WDR70: variants seen among roughly 807,000 people sequenced by gnomAD.
WDR70 encodes the protein WD repeat domain 70.
Under a neutral mutation model 88.6 loss-of-function variants are expected in WDR70, and 53 were observed. The observed-to-expected ratio is 0.60, with a 90% CI of 0.48 to 0.75. WDR70 has a LOEUF of 0.75. WDR70 is among the 30% of genes least tolerant of loss of function. WDR70 has a pLI of 0.00. For missense variants in WDR70, 610 were observed against 823.2 expected (o/e 0.74, Z 3.17); for synonymous variants, 280 against 270.0 (o/e 1.04, Z -0.36).
Position 37,604,946 on chromosome 5 carries a change from A to G in WDR70, c.918-118A>G, listed in dbSNP as rs1400853. ...GCATGTCTTATTTTATTTTAAAATA[A>G]TTATTAGATTTATGTGCCAAAATGG... On this transcript the variant is annotated intron_variant, in intron 9 of 17. Transcript: ENST00000265107. The G allele has an allele frequency of 0.55, 455,293 of 825,088 alleles. 130,107 individuals carry two copies. The highest frequency in any genetic ancestry group is 0.6 in the Non-Finnish European group (341,028 of 571,726). 51.1% of individuals were successfully genotyped at this position (825,088 alleles called of 1,614,324 possible). A position where few individuals can be genotyped will look rare whatever the true frequency, so the allele number is the denominator to read the frequency against.
intron 8 of WDR70, among the ~76,000 whole-genome samples, chr5:37,503,256 CT>C (rs33999680): frequency 0.27 from 39,375 of 148,248 alleles, 5,689 homozygotes; most frequent in East Asian, 0.48. Context: ...CTTTTCTTAT[CT>C]TTTTTTTTTT....
At chr5:37,709,058 A>T (rs887815918) in intron 13 of WDR70, among the ~76,000 whole-genome samples, 2 of 152,228 alleles carry the variant, frequency 1.3e-5, no homozygotes, top group Non-Finnish European at 2.9e-5. Context: ...TCATACAAGG[A>T]GTAGCATTAC....
chr5:37,530,873 T>G (rs1272984163), intron 9 of WDR70, among the ~76,000 whole-genome samples: 3 of 151,928 alleles, frequency 2.0e-5, no homozygotes, highest in Admixed American at 6.6e-5. Flanking sequence ...TCCAGTTCCA[T>G]GAGGCGTGAC....
chr5:37,619,746 T>G (rs542940318), intron 10 of WDR70, among the ~76,000 whole-genome samples: 74 of 152,088 alleles, frequency 4.9e-4, no homozygotes, highest in Middle Eastern at 3.4e-3. Flanking sequence ...TTTGGTTTTT[T>G]TTTTGTTTTG....
At chr5:37,459,370 C>T (rs575766294) in intron 7 of WDR70, among the ~76,000 whole-genome samples, 1 of 150,340 alleles carries the variant, frequency 6.7e-6, no homozygotes, top group African/African-American at 2.4e-5. Context: ...GAGTTCAATT[C>T]CTGAAATAAT....
chr5:37,539,530 A>G (rs1464099232), intron 9 of WDR70, among the ~76,000 whole-genome samples: 1 of 152,242 alleles, frequency 6.6e-6, no homozygotes, highest in Non-Finnish European at 1.5e-5. Flanking sequence ...CTAGTCCCCA[A>G]AACTGTGAGA....
chr5:37,386,500 T>C (rs1297469565), intron 3 of WDR70, among the ~76,000 whole-genome samples: 1 of 151,884 alleles, frequency 6.6e-6, no homozygotes, highest in Non-Finnish European at 1.5e-5. Context: ...ACTGACTTTT[T>C]TATTTTTAGT....
chr5:37,710,492 C>T (rs1401115089), intron 13 of WDR70, among the ~76,000 whole-genome samples: 2 of 152,082 alleles, frequency 1.3e-5, no homozygotes, highest in Non-Finnish European at 2.9e-5. Context: ...GGACTGGTTT[C>T]GTGGAAGACA....
chr5:37,443,769 T>C (rs1738358466), intron 7 of WDR70, among the ~76,000 whole-genome samples: 1 of 152,002 alleles, frequency 6.6e-6, no homozygotes, highest in Non-Finnish European at 1.5e-5. Flanking sequence ...GGAGAATTGC[T>C]CTAGCCTGAG....
At chr5:37,385,844 C>T (rs1748595431) in intron 3 of WDR70, among the ~76,000 whole-genome samples, 1 of 152,040 alleles carries the variant, frequency 6.6e-6, no homozygotes, top group Non-Finnish European at 1.5e-5. Flanking sequence ...TGCTCTGTCG[C>T]CCAGACTGGA....
chr5:37,749,499 G>A (rs971267063), intron 17 of WDR70, among the ~76,000 whole-genome samples: 1 of 152,006 alleles, frequency 6.6e-6, no homozygotes, highest in African/African-American at 2.4e-5. Flanking sequence ...AAACCACATG[G>A]CACATGTATA....
intron 10 of WDR70, among the ~76,000 whole-genome samples, chr5:37,681,976 A>G (rs1179964178): frequency 4.6e-5 from 7 of 152,088 alleles, no homozygotes; most frequent in Non-Finnish European, 1.0e-4. Flanking sequence ...CTCCTCCTCA[A>G]TTGTTTTTGA....
intron 10 of WDR70, among the ~76,000 whole-genome samples, chr5:37,668,838 C>T (rs1376398254): frequency 6.6e-6 from 1 of 152,198 alleles, no homozygotes; most frequent in Non-Finnish European, 1.5e-5. Context: ...GCTGGGTTAT[C>T]TCTTTGCCAA....
intron 9 of WDR70, among the ~76,000 whole-genome samples, chr5:37,580,262 C>T (rs1484813462): frequency 1.3e-5 from 2 of 152,168 alleles, no homozygotes; most frequent in Non-Finnish European, 2.9e-5. Context: ...AAAGCTTTGG[C>T]TTACATTTTG....
chr5:37,692,447 G>A (rs574314273), intron 10 of WDR70, among the ~76,000 whole-genome samples: 17 of 152,214 alleles, frequency 1.1e-4, no homozygotes, highest in Middle Eastern at 3.4e-3. Context: ...CCTGATGAAC[G>A]TTGATGCAAA....
At chr5:37,428,795 G>A (rs2112015698) in intron 5 of WDR70, among the ~76,000 whole-genome samples, 1 of 152,260 alleles carries the variant, frequency 6.6e-6, no homozygotes, top group Middle Eastern at 3.4e-3. Context: ...AGATCATGTG[G>A]TAAGTGTATA....
At chr5:37,632,377 A>G (rs894567752) in intron 10 of WDR70, among the ~76,000 whole-genome samples, 2 of 152,192 alleles carry the variant, frequency 1.3e-5, no homozygotes, top group African/African-American at 2.4e-5. Context: ...AAACATCCTC[A>G]GGTTCTTCAG....
chr5:37,557,565 C>T (rs1284142713), intron 9 of WDR70, among the ~76,000 whole-genome samples: 1 of 152,122 alleles, frequency 6.6e-6, no homozygotes, highest in Non-Finnish European at 1.5e-5. Flanking sequence ...CTCTTCCTCA[C>T]TTGGTTTTTG....
At chr5:37,415,521 A>C (rs1474669473) in intron 5 of WDR70, among the ~76,000 whole-genome samples, 8 of 38,540 alleles carry the variant, frequency 2.1e-4, no homozygotes, top group Admixed American at 5.7e-4. Flanking sequence ...TGACCCCCCC[A>C]CCTCACCTCC....
Sources: gnomAD v4.1 joint callset for allele counts (sites outside exome capture counted in the v4.1 genomes callset) on GRCh38, gnomAD v4.1.1 for gene constraint, MANE v1.5 for transcripts, NCBI Gene and HGNC (gene_info 2026-07-23, HGNC 2026-07-21) for gene names.